CYP4F11: variants seen among roughly 807,000 people sequenced by gnomAD.
CYP4F11 encodes cytochrome P450 4F11.
CYP4F11 carries 79 observed loss-of-function variants against 62.2 expected under a neutral mutation model. The ratio of observed to expected loss-of-function variants is 1.27; its 90% confidence interval spans 1.06 to 1.53. The LOEUF is 1.53. CYP4F11 is among the 40% of genes most tolerant of loss of function. CYP4F11 has a pLI of 0.00. For synonymous variants in CYP4F11, 290 were observed against 263.7 expected (o/e 1.10, Z -0.97); for missense variants, 777 against 680.5 (o/e 1.14, Z -1.58).
Position 15,934,428 on chromosome 19 carries a change from G to A in CYP4F11, c.-20C>T. Reference sequence around the variant, plus strand: ...CGGCATCCTGCAGGGCAGACGGGATGGAGGGTGGGATCCTGAGGCCCAGGG... The same window carrying A: ...CGGCATCCTGCAGGGCAGACGGGATAGAGGGTGGGATCCTGAGGCCCAGGG... On this transcript the variant is annotated 5_prime_UTR_variant, in exon 1 of 12. Coordinates refer to ENST00000402119, the MANE Select transcript of CYP4F11 (RefSeq NM_021187.4). 6.2e-7 allele frequency: 1 copy of A among 1,610,948 alleles called. No individual in the cohort carries two copies. Among genetic ancestry groups the A allele is most frequent in the Non-Finnish European group, 8.5e-7 (1 of 1,178,954 alleles).
chr19:15,919,976 G>T (rs1356957843), intron 8 of CYP4F11, among the ~76,000 whole-genome samples: 1 of 152,072 alleles, frequency 6.6e-6, no homozygotes, highest in Non-Finnish European at 1.5e-5. Context: ...TCCATTAGAC[G>T]GGAGGAAAAA....
chr19:15,922,516 A>T lies in CYP4F11; in HGVS notation c.919-86T>A. The T allele has an allele frequency of 5.6e-6, 8 of 1,423,554 alleles. No homozygotes were observed. In the South Asian group the frequency reaches 9.4e-5, roughly 17 times the overall value. 88.2% of individuals were successfully genotyped at this position (1,423,554 alleles called of 1,614,324 possible). On this transcript the variant is annotated intron_variant, in intron 6 of 11. Transcript: ENST00000402119. ...GTCAAACCTAAGATAATTTCTGAAGATCCATCCTCCTTCCAGAAACCCAAG... is the reference window on the plus strand; with the variant it reads ...GTCAAACCTAAGATAATTTCTGAAGTTCCATCCTCCTTCCAGAAACCCAAG...
At chr19:15,927,721 T>G in intron 2 of CYP4F11, 7 of 574,760 alleles carry the variant, frequency 1.2e-5, no homozygotes, top group Non-Finnish European at 1.9e-5. Context: ...ACATATCTCC[T>G]ACAAGGTCCA....
chr19:15,922,094 T>A lies in CYP4F11; in HGVS notation c.1058A>T (p.Gln353Leu). Residue 353 changes from glutamine to leucine, a missense_variant, in exon 8 of 12, where the codon CAG becomes CTG. Physicochemically the swap from Gln to Leu is moderately radical, Grantham distance 113. Coordinates refer to ENST00000402119, the MANE Select transcript of CYP4F11 (RefSeq NM_021187.4). ...AAGCTCTTGCACTTCTTGCCGGCAC[T>A]GTTCCTGGTATTCTGGGTGCTTTGC... ...HLAKHPEYQEQCRQEVQELLK... is the reference protein window; with the variant it reads ...HLAKHPEYQELCRQEVQELLK... 6.2e-7 allele frequency: 1 copy of A among 1,614,120 alleles called. No homozygotes were observed. The highest frequency in any genetic ancestry group is 1.3e-5 in the African/African-American group (1 of 75,042).
At chr19:15,931,621 CG>C (rs2089723243) in intron 1 of CYP4F11, among the ~76,000 whole-genome samples, 2 of 24,402 alleles carry the variant, frequency 8.2e-5, no homozygotes, top group Non-Finnish European at 7.0e-5. Context: ...AATGAGTGAG[CG>C]AGGAGAGGAA....
chr19:15,921,049 T>G (rs1239473103), intron 8 of CYP4F11, among the ~76,000 whole-genome samples: 2 of 129,762 alleles, frequency 1.5e-5, no homozygotes, highest in African/African-American at 6.4e-5. Flanking sequence ...TCTCTCTCTC[T>G]TTCTGTCTCT....
At chr19:15,930,600 A>G (rs2089705679) in intron 1 of CYP4F11, among the ~76,000 whole-genome samples, 1 of 152,186 alleles carries the variant, frequency 6.6e-6, no homozygotes, top group Non-Finnish European at 1.5e-5. Flanking sequence ...TCAAAAATAA[A>G]TAAATAAATA....
At position 15,913,892 on chromosome 19, in the gene CYP4F11, G is replaced by A. The variant is rs758162397; in HGVS notation, c.1415C>T (p.Ala472Val). ...CACCTTCATCTCAGCCATGGCGAAC[G>A]CCTGCCCGATGCAGTTTCTGGGGGC... ...SAGPRNCIGQ[A>V]FAMAEMKVVL... The change falls in exon 12 of 12, where the codon GCG becomes GTG. Residue 472 changes from alanine to valine, a missense_variant. By Grantham distance (64) the Ala-to-Val change is moderately conservative. Coordinates refer to ENST00000402119, the MANE Select transcript of CYP4F11 (RefSeq NM_021187.4). The A allele has an allele frequency of 1.3e-5, 21 of 1,613,358 alleles. No individual in the cohort carries two copies. The highest frequency in any genetic ancestry group is 7.7e-5 in the South Asian group (7 of 90,958).
At position 15,914,350 on chromosome 19, in the gene CYP4F11, T is replaced by C; in HGVS notation, c.1352A>G (p.Lys451Arg). The stretch of plus-strand genomic sequence containing the variant: ...AATAAAAGCCAGAGGTGACCTCTCC[T>C]TGATGTTCTCTTGGTCGAAACGGAA... ...DPFRFDQENIKERSPLAFIPF... is the reference protein window; with the variant it reads ...DPFRFDQENIRERSPLAFIPF... The change falls in exon 11 of 12, where the codon AAG (lysine) becomes AGG (arginine). Residue 451 changes from lysine to arginine, a missense_variant. Transcript: ENST00000402119. 2 of 1,614,100 alleles carry C rather than the reference T, an allele frequency of 1.2e-6. No individual in the cohort carries two copies. Among genetic ancestry groups the C allele is most frequent in the Non-Finnish European group, 1.7e-6 (2 of 1,179,996 alleles).
chr19:15,921,487 G>T (rs1038926909), intron 8 of CYP4F11, among the ~76,000 whole-genome samples: 1 of 152,198 alleles, frequency 6.6e-6, no homozygotes, highest in African/African-American at 2.4e-5. Context: ...GGAGCACCTG[G>T]AAAACAGATC....
At chr19:15,929,290 G>A (rs1391521046) in intron 2 of CYP4F11, among the ~76,000 whole-genome samples, 167 bp downstream of exon 2, 1 of 152,176 alleles carries the variant, frequency 6.6e-6, no homozygotes, top group African/African-American at 2.4e-5. Context: ...AGGAGACGCT[G>A]ACATGGGGGG....
At position 15,925,226 on chromosome 19, in the gene CYP4F11, C is replaced by T. The variant is rs915438195; in HGVS notation, c.526-344G>A. 3.3e-5 allele frequency among the ~76,000 whole-genome samples: 5 copies of T among 152,282 alleles called. No homozygotes were observed. The East Asian group carries it at 7.7e-4, about 24-fold the overall frequency. On this transcript the variant is annotated intron_variant, in intron 4 of 11. Transcript: ENST00000402119. ...GGCCAGATAAACCAGGACAGAATCA[C>T]TGCTCCACCACTCGTAGCTCACTTA...
chr19:15,912,817 A>T lies in CYP4F11; in HGVS notation c.*915T>A, dbSNP rs768447906. On this transcript the variant is annotated 3_prime_UTR_variant, in exon 12 of 12. Coordinates refer to ENST00000402119, the MANE Select transcript of CYP4F11 (RefSeq NM_021187.4). ...ATATATATATATATACATATCTTAT[A>T]TGCACAGCCCTCTAGGAGAAGAGGT... 2 of 141,502 alleles carry T rather than the reference A, an allele frequency of 1.4e-5. No homozygotes were observed. The highest frequency in any genetic ancestry group is 3.0e-5 in the Non-Finnish European group (2 of 66,282). 8.8% of individuals were successfully genotyped at this position (141,502 alleles called of 1,614,324 possible). A position where few individuals can be genotyped will look rare whatever the true frequency, so the allele number is the denominator to read the frequency against.
In CYP4F11 at chr19:15,913,687, T is replaced by A. The variant is rs374179422; in HGVS notation, c.*45A>T. On this transcript the variant is annotated 3_prime_UTR_variant, in exon 12 of 12. Coordinates refer to ENST00000402119, the MANE Select transcript of CYP4F11 (RefSeq NM_021187.4). ...GGCTCAAGCAGAGGTGTCAGCATAG[T>A]TTTGTTTCTGGGACTCTACAGAGGT... The A allele has an allele frequency of 1.0e-4, 164 of 1,611,842 alleles. No individual in the cohort carries two copies. Among genetic ancestry groups the A allele is most frequent in the Admixed American group, 5.5e-4 (33 of 59,834 alleles).
chr19:15,924,696 A>T, intron 5 of CYP4F11, 65 bp downstream of exon 5: 2 of 1,577,694 alleles, frequency 1.3e-6, no homozygotes, highest in South Asian at 1.1e-5. Flanking sequence ...CCGGTCAGCC[A>T]TCCTTTTCCA....
rs777979021 is a variant in CYP4F11, at chr19:15,913,763, C to A, written c.1544G>T (p.Arg515Leu). 5.2e-5 allele frequency: 84 copies of A among 1,614,174 alleles called. No individual in the cohort carries two copies. The East Asian group carries it at 1.7e-3, about 33-fold the overall frequency. The change falls in exon 12 of 12, where the codon CGG becomes CTG. Residue 515 changes from arginine to leucine, a missense_variant. By Grantham distance (102) the Arg-to-Leu change is moderately radical (BLOSUM62 -2). Transcript: ENST00000402119. ...TGAGTTCGCACCCAGGGGCTCCACCCGCAGCCAAAGTCCACCCTCTGCGCG... is the reference window on the plus strand; with the variant it reads ...TGAGTTCGCACCCAGGGGCTCCACCAGCAGCCAAAGTCCACCCTCTGCGCG... ...ILRAEGGLWL[R>L]VEPLGANSQ
rs141841752 is a variant in CYP4F11, at chr19:15,913,773, G to T, written c.1534C>A (p.Leu512Ile). ...CCCAGGGGCTCCACCCGCAGCCAAA[G>T]TCCACCCTCTGCGCGCAATATCAGC... ...PELILRAEGGLWLRVEPLGAN... is the reference protein window; with the variant it reads ...PELILRAEGGIWLRVEPLGAN... Residue 512 changes from leucine (L) to isoleucine (I), a missense_variant, in exon 12 of 12, where the codon CTT (leucine) becomes ATT (isoleucine). Transcript: ENST00000402119. 623 of 1,614,080 alleles carry T rather than the reference G, an allele frequency of 3.9e-4. 1 individual carries two copies. Among genetic ancestry groups the T allele is most frequent in the Non-Finnish European group, 6.4e-5 (75 of 1,180,032 alleles).
rs150051323 is a variant in CYP4F11 at position 15,930,662 on chromosome 19, C to T, written c.199-1061G>A. 7.4e-3 allele frequency among the ~76,000 whole-genome samples: 1,133 copies of T among 152,260 alleles called. 7 individuals carry two copies. The highest frequency in any genetic ancestry group is 0.013 in the Non-Finnish European group (854 of 68,014). On this transcript the variant is annotated intron_variant, in intron 1 of 11. Coordinates refer to ENST00000402119, the MANE Select transcript of CYP4F11 (RefSeq NM_021187.4). ...AGAGGGAGAAGGCAAGCTGTCTGCT[C>T]AAGAGGATGTGTTTTCTCGTCTTGG...
intron 5 of CYP4F11, among the ~76,000 whole-genome samples, chr19:15,924,369 T>C (rs2089652924): frequency 6.6e-6 from 1 of 152,172 alleles, no homozygotes; most frequent in African/African-American, 2.4e-5. Flanking sequence ...GACCTCACTG[T>C]CTTCCAGCTC....
Sources: gnomAD v4.1 joint callset for allele counts (sites outside exome capture counted in the v4.1 genomes callset) on GRCh38, gnomAD v4.1.1 for gene constraint, MANE v1.5 for transcripts, NCBI Gene and HGNC (gene_info 2026-07-23, HGNC 2026-07-21) for gene names.